The following SORL1 variants were observed in gnomAD, a reference collection of about 807,000 sequenced individuals.
SORL1 encodes sortilin related receptor 1.
SORL1 carries 127 observed loss-of-function variants against 273.7 expected under a neutral mutation model. The observed-to-expected ratio is 0.46, with a 90% CI of 0.40 to 0.54. The LOEUF is 0.54. Ranked by LOEUF, SORL1 falls within the 20% of genes least tolerant of loss-of-function variation. The pLI is 0.00. For synonymous variants in SORL1, 1,031 were observed against 1,067.4 expected (o/e 0.97, Z 0.66); for missense variants, 2,494 against 2,846.1 (o/e 0.88, Z 2.81).
At chr11:121,508,161 C>T (rs977588542) in intron 6 of SORL1, among the ~76,000 whole-genome samples, 8 of 152,158 alleles carry the variant, frequency 5.3e-5, no homozygotes, top group African/African-American at 1.9e-4. Context: ...ACCTTCAATG[C>T]TTTTGCAGGC....
chr11:121,550,082 C>T lies in SORL1; in HGVS notation c.2174C>T (p.Thr725Met), dbSNP rs748562578. 33 of 1,612,884 alleles carry T rather than the reference C, an allele frequency of 2.0e-5. No individual in the cohort carries two copies. The highest frequency in any genetic ancestry group is 3.3e-5 in the South Asian group (3 of 90,982). The change falls in exon 15 of 48, where the codon ACG becomes ATG. Residue 725 changes from threonine to methionine, a missense_variant. Around this residue, in one of 3 missense-constraint regions of SORL1, gnomAD observed 710 missense variants for 882.5 expected, o/e 0.80. Coordinates refer to ENST00000260197, the MANE Select transcript of SORL1 (RefSeq NM_003105.6). The surrounding 1 kb of genome is among the most constrained non-coding windows in gnomAD (Gnocchi z 5.3). ...CCTGTGGGTTCTACTTACAGGAGAA[C>T]GAGAGGGTATGTATCACAGAGGTTG... ...PCPVGSTYRR[T>M]RGYRKISGDT...
Position 121,605,467 on chromosome 11 carries a change from A to T in SORL1, c.4844A>T (p.Lys1615Ile). The change falls in exon 35 of 48, where the codon AAA becomes ATA. Residue 1615 changes from lysine to isoleucine, a missense_variant. Physicochemically the swap from Lys to Ile is moderately radical, Grantham distance 102 (BLOSUM62 -3). This residue lies in a region of SORL1 where 1,609 missense variants were observed against 1,816.4 expected (regional missense o/e 0.89). Transcript: ENST00000260197. ...THSNKTNTVLKVLKPDTTYQV... is the reference protein window; with the variant it reads ...THSNKTNTVLIVLKPDTTYQV... ...AGCAATAAGACAAACACTGTATTAA[A>T]AGTCTTGAAACCAGATACCACGTAT... 1 of 1,614,138 alleles carries T rather than the reference A, an allele frequency of 6.2e-7. No individual in the cohort carries two copies. Among genetic ancestry groups the T allele is most frequent in the Non-Finnish European group, 8.5e-7 (1 of 1,180,010 alleles).
At chr11:121,614,832 C>T (rs760999788) in intron 40 of SORL1, 39 bp from the exon 41 acceptor site, 6 of 1,579,382 alleles carry the variant, frequency 3.8e-6, no homozygotes, top group Admixed American at 3.4e-5. Context: ...ACTAACACCC[C>T]CAACTTCCTC....
intron 12 of SORL1, among the ~76,000 whole-genome samples, chr11:121,542,775 T>A (rs985142881): frequency 6.6e-6 from 1 of 151,442 alleles, no homozygotes; most frequent in African/African-American, 2.4e-5. Flanking sequence ...ATGATCCTTG[T>A]GTGATTTAGT....
chr11:121,557,272 G>C, intron 18 of SORL1, 42 bp from the exon 19 acceptor site: 3 of 1,427,532 alleles, frequency 2.1e-6, no homozygotes, highest in Non-Finnish European at 3.0e-6. Flanking sequence ...TCTTTAAGGA[G>C]CTCCGATCCA....
chr11:121,524,792 C>A (rs1862095245), intron 11 of SORL1, among the ~76,000 whole-genome samples: 1 of 151,664 alleles, frequency 6.6e-6, no homozygotes, highest in African/African-American at 2.4e-5. Flanking sequence ...CAGATGAAGG[C>A]ACAGTACACT....
At chr11:121,543,168 G>C (rs1259491537) in intron 12 of SORL1, among the ~76,000 whole-genome samples, 1 of 150,470 alleles carries the variant, frequency 6.6e-6, no homozygotes, top group African/African-American at 2.4e-5. Flanking sequence ...TCCAGCCTGG[G>C]TGACAGAGTG....
chr11:121,455,525 G>GT (rs1245801273), intron 1 of SORL1, among the ~76,000 whole-genome samples: 1 of 152,240 alleles, frequency 6.6e-6, no homozygotes, highest in East Asian at 1.9e-4. Flanking sequence ...GTCAATGTCG[G>GT]TCCTTTTTCC....
Position 121,555,323 on chromosome 11 carries a change from G to A in SORL1, c.2571+5G>A. The A allele has an allele frequency of 6.2e-7, 1 of 1,613,338 alleles. No individual in the cohort carries two copies. The highest frequency in any genetic ancestry group is 8.5e-7 in the Non-Finnish European group (1 of 1,179,468). On this transcript the variant is annotated splice_donor_5th_base_variant and intron_variant, in intron 18 of 47. Transcript: ENST00000260197. Reference sequence around the variant, plus strand: ...GCAGGCTTCAAAAAGATTGAGGTATGTGTATTTTCGTGCTGTTCTTAATTA... The same window carrying A: ...GCAGGCTTCAAAAAGATTGAGGTATATGTATTTTCGTGCTGTTCTTAATTA...
intron 1 of SORL1, among the ~76,000 whole-genome samples, chr11:121,463,765 C>T (rs910575184): frequency 3.9e-5 from 6 of 152,164 alleles, no homozygotes; most frequent in South Asian, 2.1e-4. Flanking sequence ...GCCTCTCTTC[C>T]GGGAGTGCTC....
At chr11:121,552,369 G>C (rs940467446) in intron 16 of SORL1, among the ~76,000 whole-genome samples, 8 of 152,200 alleles carry the variant, frequency 5.3e-5, no homozygotes, top group African/African-American at 1.9e-4. Flanking sequence ...TTGCGCGCTG[G>C]AATGCCGCAT....
chr11:121,473,850 G>C (rs1565304309), intron 2 of SORL1, among the ~76,000 whole-genome samples: 1 of 152,108 alleles, frequency 6.6e-6, no homozygotes, highest in East Asian at 1.9e-4. Context: ...AGTTGTGATC[G>C]TGCCACTGCA....
rs1271462377 is a variant in SORL1, at chr11:121,595,114, T to C, written c.4370-509T>C. Among the ~76,000 whole-genome samples, 1 of 152,188 alleles carries C rather than the reference T, an allele frequency of 6.6e-6. No individual in the cohort carries two copies. The highest frequency in any genetic ancestry group is 1.5e-5 in the Non-Finnish European group (1 of 68,030). On this transcript the variant is annotated intron_variant, in intron 31 of 47. Coordinates refer to ENST00000260197, the MANE Select transcript of SORL1 (RefSeq NM_003105.6). The surrounding 1 kb of genome is among the most constrained non-coding windows in gnomAD (Gnocchi z 5.1). ...CCTCCATTCTTCTATTGGGGTGACG[T>C]ATGGGTTGGTTGCCTCGTGGGACTG...
chr11:121,567,633 C>T (rs1168509174), intron 22 of SORL1, among the ~76,000 whole-genome samples: 5 of 152,218 alleles, frequency 3.3e-5, no homozygotes, highest in Admixed American at 3.3e-4. Context: ...TGAGTCTAGA[C>T]CTTATGCCAT....
At chr11:121,557,840 T>A (rs981553450) in intron 19 of SORL1, among the ~76,000 whole-genome samples, 1 of 152,260 alleles carries the variant, frequency 6.6e-6, no homozygotes, top group Non-Finnish European at 1.5e-5. Flanking sequence ...AGGTGCTTTT[T>A]ATTAACTCAT....
chr11:121,568,571 A>G (rs751445651), intron 22 of SORL1, among the ~76,000 whole-genome samples: 3 of 152,200 alleles, frequency 2.0e-5, no homozygotes, highest in Non-Finnish European at 2.9e-5. Flanking sequence ...AATTTCTCAG[A>G]GTATTGAGAA....
intron 8 of SORL1, 113 bp downstream of exon 8, chr11:121,514,434 T>C: frequency 9.2e-7 from 1 of 1,082,210 alleles, no homozygotes; most frequent in Non-Finnish European, 1.3e-6. Flanking sequence ...CCCGGGGAGC[T>C]TTCGGAAACC....
At chr11:121,583,431 C>T (rs201719003) in intron 25 of SORL1, 27 bp from the exon 26 acceptor site, 31 of 1,600,108 alleles carry the variant, frequency 1.9e-5, no homozygotes, top group Admixed American at 6.8e-5. Context: ...GAGGGGTGTG[C>T]GACTGTGTCT....
rs376254738 is a variant in SORL1, at chr11:121,591,142, C to G, written c.4355C>G (p.Ala1452Gly). 9 of 1,614,132 alleles carry G rather than the reference C, an allele frequency of 5.6e-6. No individual in the cohort carries two copies. The African/African-American group carries it at 6.7e-5, about 12-fold the overall frequency. The change falls in exon 31 of 48, where the codon GCC (alanine) becomes GGC (glycine). Residue 1452 changes from alanine (A) to glycine (G), a missense_variant. Transcript: ENST00000260197. Reference sequence around the variant, plus strand: ...TGTGCAGATGGCTCTGACGAGGAAGCCTGCCCCTTGCTTGGTGAGTTCTGG... The same window carrying G: ...TGTGCAGATGGCTCTGACGAGGAAGGCTGCCCCTTGCTTGGTGAGTTCTGG... ...RDCADGSDEE[A>G]CPLLANVTAA... is the part of the protein sequence containing the mutation.
Sources: gnomAD v4.1 joint callset for allele counts (sites outside exome capture counted in the v4.1 genomes callset) on GRCh38, gnomAD v4.1.1 for gene constraint, gnomAD v4.1.1 regional missense constraint, Gnocchi (gnomAD v3.1) non-coding constraint, MANE v1.5 for transcripts, NCBI Gene and HGNC (gene_info 2026-07-23, HGNC 2026-07-21) for gene names.